ZFHX3: variants seen among roughly 807,000 people sequenced by gnomAD.
ZFHX3 encodes the protein zinc finger homeobox protein 3.
Under a neutral mutation model 279.1 loss-of-function variants are expected in ZFHX3, and 42 were observed. The ratio of observed to expected loss-of-function variants is 0.15; its 90% CI spans 0.12 to 0.19. The LOEUF (loss-of-function observed/expected upper bound fraction) is 0.19. Among genes scored for constraint, ZFHX3 ranks in the 10% least tolerant of loss-of-function variants. The pLI is 1.00. For synonymous variants in ZFHX3, 2,293 were observed against 1,957.8 expected, an observed-to-expected ratio of 1.17 and a Z score of -4.52; for missense variants, 4,981 against 4,754.0, an observed-to-expected ratio of 1.05 and a Z score of -1.40.
At chr16:73,439,483 A>G (rs1400126774) in intron 3 of ZFHX3, among the ~76,000 whole-genome samples, 1 of 151,996 alleles carries the variant, frequency 6.6e-6, no homozygotes, top group Non-Finnish European at 1.5e-5. Flanking sequence ...CCAAAGAACA[A>G]CTAAATGCAA....
chr16:73,790,041 C>T (rs1959775898), intron 1 of ZFHX3, among the ~76,000 whole-genome samples: 1 of 152,096 alleles, frequency 6.6e-6, no homozygotes, highest in African/African-American at 2.4e-5. Flanking sequence ...GTTTATAATT[C>T]AGCCATAAAA....
At position 72,787,969 on chromosome 16, in the gene ZFHX3, G is replaced by A. The variant is rs765828181; in HGVS notation, c.10307C>T (p.Pro3436Leu). 1.6e-5 allele frequency: 26 copies of A among 1,613,612 alleles called. No homozygotes were observed. The highest frequency in any genetic ancestry group is 2.7e-5 in the African/African-American group (2 of 74,774). ...NTPREVSPLL[P>L]KLPEEPEAES... The stretch of plus-strand genomic sequence containing the variant: ...TGCTTCTGGCTCTTCAGGGAGTTTC[G>A]GCAGGAGGGGGGACACCTCACGGGG... The change falls in exon 10 of 10, where the codon CCG (proline) becomes CTG (leucine). Residue 3436 changes from proline (P) to leucine (L), a missense_variant. Physicochemically the swap from Pro to Leu is moderately conservative, Grantham distance 98 (BLOSUM62 -3). Coordinates refer to ENST00000268489, the MANE Select transcript of ZFHX3 (RefSeq NM_006885.4).
At chr16:73,863,751 A>G (rs761188828) in intron 1 of ZFHX3, among the ~76,000 whole-genome samples, 18 of 152,310 alleles carry the variant, frequency 1.2e-4, no homozygotes, top group Non-Finnish European at 2.1e-4. Flanking sequence ...CTTGCAAAGC[A>G]TCTAGCGAAG....
intron 5 of ZFHX3, among the ~76,000 whole-genome samples, chr16:73,191,660 G>C (rs1968039079): frequency 6.6e-6 from 1 of 151,976 alleles, no homozygotes; most frequent in Non-Finnish European, 1.5e-5. Flanking sequence ...GTGGCAGTAA[G>C]TCTGATCTCT....
At chr16:73,007,694 C>A (rs1033109335) in intron 1 of ZFHX3, among the ~76,000 whole-genome samples, 6 of 152,080 alleles carry the variant, frequency 3.9e-5, no homozygotes, top group African/African-American at 1.2e-4. Context: ...ATCCACCCGC[C>A]GCGGCCTCCC....
chr16:72,872,453 G>T (rs574766412), intron 4 of ZFHX3, among the ~76,000 whole-genome samples: 1 of 152,196 alleles, frequency 6.6e-6, no homozygotes, highest in Non-Finnish European at 1.5e-5. Context: ...GGAGTTTTCA[G>T]GTATTTGTGT....
chr16:72,832,785 A>T (rs2037094601), intron 4 of ZFHX3, among the ~76,000 whole-genome samples: 1 of 152,220 alleles, frequency 6.6e-6, no homozygotes, highest in African/African-American at 2.4e-5. Flanking sequence ...TGCAGGAGGC[A>T]GAGGAGTCTG....
intron 1 of ZFHX3, among the ~76,000 whole-genome samples, chr16:73,858,004 G>A (rs1382059375): frequency 1.3e-5 from 2 of 151,822 alleles, no homozygotes; most frequent in Non-Finnish European, 2.9e-5. Context: ...GCTGAGGCAG[G>A]AGAATTGCTT....
chr16:72,963,959 G>C (rs886747978), intron 1 of ZFHX3, among the ~76,000 whole-genome samples: 8 of 152,158 alleles, frequency 5.3e-5, no homozygotes, highest in African/African-American at 1.9e-4. Context: ...GGAAACAAAG[G>C]GGAAGGGAGG....
At chr16:72,900,422 C>T (rs2039007200) in intron 3 of ZFHX3, among the ~76,000 whole-genome samples, 1 of 152,220 alleles carries the variant, frequency 6.6e-6, no homozygotes, top group African/African-American at 2.4e-5. Context: ...TCATCTATAA[C>T]CTGGAGATAT....
intron 3 of ZFHX3, among the ~76,000 whole-genome samples, chr16:73,404,782 C>G (rs1043612498): frequency 6.6e-6 from 1 of 152,208 alleles, no homozygotes; most frequent in Non-Finnish European, 1.5e-5. Context: ...ATGCTCTTAG[C>G]AGCTTGTTTT....
chr16:72,948,656 TAG>T (rs1960826352), intron 3 of ZFHX3, among the ~76,000 whole-genome samples: 1 of 152,214 alleles, frequency 6.6e-6, no homozygotes, highest in South Asian at 2.1e-4. Context: ...GTGTGCATTT[TAG>T]AGTCTAAAGG....
intron 3 of ZFHX3, among the ~76,000 whole-genome samples, chr16:72,925,544 G>A (rs1382404201): frequency 1.3e-5 from 2 of 152,256 alleles, no homozygotes; most frequent in Non-Finnish European, 2.9e-5. Context: ...AGGTGATCCT[G>A]ATGGTCACAT....
At position 72,796,709 on chromosome 16, in the gene ZFHX3, C is replaced by T. The variant is rs1160490723; in HGVS notation, c.5973G>A (p.Leu1991=). 1.9e-6 allele frequency: 3 copies of T among 1,613,942 alleles called. No homozygotes were observed. The stretch of plus-strand genomic sequence containing the variant: ...TCTTTAAAATCAAGATGTTGGAAAA[C>T]AACTTGCCGCAGGAGTCACACTCGA... The part of the protein sequence containing the change: ...EKLECDSCGK[L]FSNILILKSH... Residue 1991 remains leucine (L), a synonymous_variant, in exon 9 of 10, where the codon TTG becomes TTA. Coordinates refer to ENST00000268489, the MANE Select transcript of ZFHX3 (RefSeq NM_006885.4).
chr16:73,089,132 C>T (rs1346588691), intron 8 of ZFHX3, among the ~76,000 whole-genome samples: 2 of 151,914 alleles, frequency 1.3e-5, no homozygotes, highest in African/African-American at 4.8e-5. Flanking sequence ...GAGACAGAGT[C>T]TTGCTCTGTC....
chr16:73,431,223 G>C (rs1037097881), intron 3 of ZFHX3, among the ~76,000 whole-genome samples: 3 of 136,578 alleles, frequency 2.2e-5, no homozygotes, highest in African/African-American at 8.4e-5. Context: ...AATTTTTATG[G>C]GAATCTGTTT....
intron 1 of ZFHX3, among the ~76,000 whole-genome samples, chr16:73,758,117 T>A (rs1422635093): frequency 1.3e-5 from 2 of 152,194 alleles, no homozygotes; most frequent in Non-Finnish European, 2.9e-5. Context: ...CAAATGCCTC[T>A]GAAATAAGGA....
chr16:73,793,745 A>C (rs1959904035), intron 1 of ZFHX3, among the ~76,000 whole-genome samples: 1 of 152,170 alleles, frequency 6.6e-6, no homozygotes, highest in Admixed American at 6.5e-5. Context: ...AATGAAGAGG[A>C]ATAAGAGGAG....
chr16:72,976,561 C>T (rs375063732), intron 1 of ZFHX3, among the ~76,000 whole-genome samples: 5 of 152,234 alleles, frequency 3.3e-5, no homozygotes, highest in African/African-American at 7.2e-5. Flanking sequence ...CTCTCAGTAG[C>T]GTCCAGGCAG....
Sources: gnomAD v4.1 joint callset for allele counts (sites outside exome capture counted in the v4.1 genomes callset) on GRCh38, gnomAD v4.1.1 for gene constraint, MANE v1.5 for transcripts, NCBI Gene and HGNC (gene_info 2026-07-23, HGNC 2026-07-21) for gene names.